The following PDK4 variants were observed in gnomAD, a reference collection of about 807,000 sequenced individuals.
The protein encoded by PDK4 is pyruvate dehydrogenase kinase, isozyme 4.
In PDK4, 43 loss-of-function variants were observed where a neutral mutation model predicts 51.7. That is an observed-to-expected ratio of 0.83 (90% CI 0.65 to 1.07). The LOEUF (loss-of-function observed/expected upper bound fraction) is 1.07, where lower values mean the gene tolerates loss of function less well. Ranked by LOEUF, PDK4 falls within the 50% of genes least tolerant of loss-of-function variation. The pLI is 0.00. For missense variants in PDK4, 498 were observed against 503.5 expected (o/e 0.99, Z 0.10); for synonymous variants, 170 against 176.6 (o/e 0.96, Z 0.30).
chr7:95,593,740 T>C lies in PDK4; in HGVS notation c.303A>G (p.Glu101=), dbSNP rs747530903. ...GGTCATCTGGGCTTTTCTCATGGAA[T>C]TCCACCAAATCCATCAGGCTCTGTA... ...WYIQSLMDLV[E]FHEKSPDDQK... Residue 101 remains glutamate, a synonymous_variant, in exon 3 of 11, where the codon GAA becomes GAG. Coordinates refer to ENST00000005178, the MANE Select transcript of PDK4 (RefSeq NM_002612.4). 6.4e-7 allele frequency: 1 copy of C among 1,567,744 alleles called. No homozygotes were observed. Among genetic ancestry groups the C allele is most frequent in the South Asian group, 1.1e-5 (1 of 90,098 alleles).
rs769225726 is a variant in PDK4 at position 95,592,839 on chromosome 7, G to A, written c.450C>T (p.Val150=). ...AGAAATATTGAAGATTTTGATTGGT[G>A]ACTGGGTCAACTGTACAGGCATCTT... ...EYKDACTVDP[V]TNQNLQYFLD... The change falls in exon 4 of 11, where the codon GTC becomes GTT. Residue 150 remains valine, a synonymous_variant. Transcript: ENST00000005178. 1.4e-5 allele frequency: 22 copies of A among 1,612,354 alleles called. No individual in the cohort carries two copies. The East Asian group carries it at 1.8e-4, about 13-fold the overall frequency.
At chr7:95,591,099 G>A (rs1226432714) in intron 6 of PDK4, among the ~76,000 whole-genome samples, 1 of 152,016 alleles carries the variant, frequency 6.6e-6, no homozygotes, top group African/African-American at 2.4e-5. Context: ...CACCATGCCT[G>A]GCTAATTTTT....
chr7:95,590,937 T>C (rs2116715768), intron 6 of PDK4, among the ~76,000 whole-genome samples: 1 of 152,208 alleles, frequency 6.6e-6, no homozygotes, highest in South Asian at 2.1e-4. Context: ...TGAAATTTTG[T>C]TTGTTTGTTT....
chr7:95,585,547 T>G lies in PDK4; in HGVS notation c.*94A>C. On this transcript the variant is annotated 3_prime_UTR_variant, in exon 11 of 11. Coordinates refer to ENST00000005178, the MANE Select transcript of PDK4 (RefSeq NM_002612.4). The stretch of plus-strand genomic sequence containing the variant: ...AAGGAGTTTTCGTTGCTGTCGTTTG[T>G]TTTGGAGGAAACAAGGGTTCACACA... 3 of 1,122,086 alleles carry G rather than the reference T, an allele frequency of 2.7e-6. No homozygotes were observed. Among genetic ancestry groups the G allele is most frequent in the Non-Finnish European group, 3.8e-6 (3 of 796,508 alleles). 69.5% of individuals were successfully genotyped at this position (1,122,086 alleles called of 1,614,324 possible). A position where few individuals can be genotyped will look rare whatever the true frequency, so the allele number is the denominator to read the frequency against.
At chr7:95,585,944 G>A (rs530959960) in intron 10 of PDK4, among the ~76,000 whole-genome samples, 163 bp from the exon 11 acceptor site, 5 of 152,270 alleles carry the variant, frequency 3.3e-5, no homozygotes, top group African/African-American at 1.2e-4. Flanking sequence ...CCTGCACTCA[G>A]TCTATGGCTC....
rs534188044 is a variant in PDK4 at position 95,596,254 on chromosome 7, G to C, written c.40C>G (p.Leu14Val). ...ARFVLRSAGSLNGAGLVPREV... is the reference protein window; with the variant it reads ...ARFVLRSAGSVNGAGLVPREV... ...CGGGGCACCAGGCCGGCGCCGTTGA[G>C]CGAGCCAGCGCTGCGCAGCACGAAG... Residue 14 changes from leucine to valine, a missense_variant, in exon 1 of 11, where the codon CTC becomes GTC. By Grantham distance (32) the Leu-to-Val change is conservative. Coordinates refer to ENST00000005178, the MANE Select transcript of PDK4 (RefSeq NM_002612.4). 19 of 1,591,718 alleles carry C rather than the reference G, an allele frequency of 1.2e-5. No homozygotes were observed. In the South Asian group the frequency reaches 2.1e-4, roughly 18 times the overall value.
Position 95,585,262 on chromosome 7 carries a change from CTT to C in PDK4, c.*377_*378del, listed in dbSNP as rs1402691079. 2 of 158,500 alleles carry C rather than the reference CTT, an allele frequency of 1.3e-5. No individual in the cohort carries two copies. Among genetic ancestry groups the C allele is most frequent in the African/African-American group, 4.9e-5 (2 of 40,774 alleles). 9.8% of individuals were successfully genotyped at this position (158,500 alleles called of 1,614,324 possible). A position where few individuals can be genotyped will look rare whatever the true frequency, so the allele number is the denominator to read the frequency against. ...AATGCTGGTATTCTGACACCAATAT[CTT>C]TTGATGTGAACAAGAGGCCTAAAAT... On this transcript the variant is annotated 3_prime_UTR_variant, in exon 11 of 11. Coordinates refer to ENST00000005178, the MANE Select transcript of PDK4 (RefSeq NM_002612.4).
intron 1 of PDK4, 152 bp downstream of exon 1, chr7:95,596,012 G>T: frequency 1.2e-6 from 1 of 809,802 alleles, no homozygotes; most frequent in Non-Finnish European, 1.8e-6. Context: ...TCTAGGAAAA[G>T]GAAAGGTGTG....
At position 95,592,541 on chromosome 7, in the gene PDK4, G is replaced by A; in HGVS notation, c.586C>T (p.Pro196Ser). ...ACCACTGCTACCACATCACAGTTAG[G>A]ATCAATGCTTCCAATGTGGCTTGGG... The part of the protein sequence containing the change: ...GNPSHIGSID[P>S]NCDVVAVVQD... The change falls in exon 5 of 11, where the codon CCT becomes TCT. Residue 196 changes from proline to serine, a missense_variant. Physicochemically the swap from Pro to Ser is moderately conservative, Grantham distance 74 (BLOSUM62 -1). Coordinates refer to ENST00000005178, the MANE Select transcript of PDK4 (RefSeq NM_002612.4). 2 of 1,609,376 alleles carry A rather than the reference G, an allele frequency of 1.2e-6. No homozygotes were observed. Among genetic ancestry groups the A allele is most frequent in the Middle Eastern group, 1.7e-4 (1 of 6,056 alleles).
intron 7 of PDK4, among the ~76,000 whole-genome samples, chr7:95,588,342 A>G (rs916272671): frequency 4.6e-5 from 7 of 152,252 alleles, no homozygotes; most frequent in African/African-American, 7.2e-5. Context: ...ACTTTTACCA[A>G]TGATGGCAGA....
Position 95,585,715 on chromosome 7 carries a change from T to C in PDK4, c.1162A>G (p.Met388Val). 6.2e-7 allele frequency: 1 copy of C among 1,610,726 alleles called. No homozygotes were observed. ...FNKSAFKHYQ[M>V]SSEADDWCIP... ...CACCAGTCATCAGCCTCAGAGCTCATCTGATAATGTTTGAAGGCTGACTTG... is the reference window on the plus strand; with the variant it reads ...CACCAGTCATCAGCCTCAGAGCTCACCTGATAATGTTTGAAGGCTGACTTG... Residue 388 changes from methionine to valine, a missense_variant, in exon 11 of 11, where the codon ATG becomes GTG. By Grantham distance (21) the Met-to-Val change is conservative. Transcript: ENST00000005178.
intron 2 of PDK4, among the ~76,000 whole-genome samples, chr7:95,594,281 A>G (rs1397955303): frequency 6.6e-6 from 1 of 152,176 alleles, no homozygotes; most frequent in Non-Finnish European, 1.5e-5. Context: ...CATGTCTGCT[A>G]CCTGTGCATA....
intron 2 of PDK4, among the ~76,000 whole-genome samples, chr7:95,594,560 C>A (rs1791592661): frequency 6.6e-6 from 1 of 152,004 alleles, no homozygotes; most frequent in Non-Finnish European, 1.5e-5. Context: ...AAGACACTTG[C>A]CAAGGATTCC....
chr7:95,595,055 T>A lies in PDK4; in HGVS notation c.240A>T (p.Val80=). 2 of 1,612,462 alleles carry A rather than the reference T, an allele frequency of 1.2e-6. No homozygotes were observed. Among genetic ancestry groups the A allele is most frequent in the Non-Finnish European group, 1.7e-6 (2 of 1,178,652 alleles). Residue 80 remains valine (V), a synonymous_variant, in exon 2 of 11, where the codon GTA becomes GTT. Transcript: ENST00000005178. ...KEIDILPTQL[V]NTSSVQLVKS... ...TAACCAATTGCACTGAAGAGGTATT[T>A]ACTAATTGGGTCGGGAGGATATCAA...
At chr7:95,587,574 G>A in intron 8 of PDK4, 46 bp from the exon 9 acceptor site, 1 of 1,324,444 alleles carries the variant, frequency 7.6e-7, no homozygotes, top group Non-Finnish European at 1.1e-6. Context: ...TAAAAACAAT[G>A]TGCATTTGTC....
chr7:95,594,917 A>G lies in PDK4; in HGVS notation c.272+106T>C, dbSNP rs114471948. Reference sequence around the variant, plus strand: ...ATTCTTACATCTTTCAAAAGTAGTTACCATTCAGATCACCTGTTTTCCAAT... The same window carrying G: ...ATTCTTACATCTTTCAAAAGTAGTTGCCATTCAGATCACCTGTTTTCCAAT... On this transcript the variant is annotated intron_variant, in intron 2 of 10. Coordinates refer to ENST00000005178, the MANE Select transcript of PDK4 (RefSeq NM_002612.4). The G allele has an allele frequency of 1.7e-3, 1,035 of 623,034 alleles. 6 individuals carry two copies. In the African/African-American group the frequency reaches 0.018, roughly 11 times the overall value. The allele number at this position is 623,034 out of a possible 1,614,324, so 38.6% of individuals were successfully genotyped here. A position where few individuals can be genotyped will look rare whatever the true frequency, so the allele number is the denominator to read the frequency against.
intron 6 of PDK4, among the ~76,000 whole-genome samples, chr7:95,590,203 G>A (rs1791534176): frequency 6.6e-6 from 1 of 152,140 alleles, no homozygotes; most frequent in South Asian, 2.1e-4. Context: ...AAAATTTTAT[G>A]TATTTTAAGA....
At position 95,587,053 on chromosome 7, in the gene PDK4, T is replaced by G; in HGVS notation, c.1052A>C (p.Tyr351Ser). 6.2e-7 allele frequency: 1 copy of G among 1,610,920 alleles called. No homozygotes were observed. Among genetic ancestry groups the G allele is most frequent in the Non-Finnish European group, 8.5e-7 (1 of 1,177,286 alleles). Residue 351 changes from tyrosine to serine, a missense_variant, in exon 10 of 11, where the codon TAC becomes TCC. Transcript: ENST00000005178. Reference protein sequence around the residue: ...AKYFQGDLNLYSLSGYGTDAI... With the variant: ...AKYFQGDLNLSSLSGYGTDAI... ...ATCTGTTCCATATCCTGATAAAGAG[T>G]AGAGATTCAGATCTCCTTGAAAGTA...
Position 95,585,696 on chromosome 7 carries a change from T to A in PDK4, c.1181A>T (p.Asp394Val). The A allele has an allele frequency of 6.2e-7, 1 of 1,612,336 alleles. No homozygotes were observed. Among genetic ancestry groups the A allele is most frequent in the Non-Finnish European group, 8.5e-7 (1 of 1,178,624 alleles). ...TGGTTCCCTGCTTGGGATACACCAG[T>A]CATCAGCCTCAGAGCTCATCTGATA... ...KHYQMSSEAD[D>V]WCIPSREPKN... Residue 394 changes from aspartate (D) to valine (V), a missense_variant, in exon 11 of 11, where the codon GAC (aspartate) becomes GTC (valine). Transcript: ENST00000005178.
Sources: allele counts gnomAD v4.1 joint callset (sites outside exome capture counted in the v4.1 genomes callset), GRCh38; gene constraint gnomAD v4.1.1; transcripts MANE v1.5; gene names NCBI Gene and HGNC (gene_info 2026-07-23, HGNC 2026-07-21).